Variants in ADAMTS19 observed in about 807,000 individuals in gnomAD.
The protein encoded by ADAMTS19 is ADAM metallopeptidase with thrombospondin type 1 motif 19, also known as A disintegrin and metalloproteinase with thrombospondin motifs 19.
Under a neutral mutation model 153.3 loss-of-function variants are expected in ADAMTS19, and 93 were observed. The ratio of observed to expected loss-of-function variants is 0.61; its 90% CI spans 0.51 to 0.72. The LOEUF is 0.72. Ranked by LOEUF, ADAMTS19 falls within the 30% of genes least tolerant of loss-of-function variation. The pLI, the probability that ADAMTS19 is intolerant of heterozygous loss-of-function variation, is 0.00. For missense variants in ADAMTS19, 1,482 were observed against 1,552.1 expected (o/e 0.95, Z 0.76); for synonymous variants, 600 against 556.6 (o/e 1.08, Z -1.10).
chr5:129,638,732 A>C (rs1474970166), intron 10 of ADAMTS19, among the ~76,000 whole-genome samples: 1 of 152,130 alleles, frequency 6.6e-6, no homozygotes, highest in East Asian at 1.9e-4. Flanking sequence ...TAATGCAGGG[A>C]AAAGAAGGTA....
intron 2 of ADAMTS19, among the ~76,000 whole-genome samples, chr5:129,505,230 G>A (rs1394958128): frequency 6.6e-6 from 1 of 152,096 alleles, no homozygotes; most frequent in Non-Finnish European, 1.5e-5. Flanking sequence ...TGCAATAAAT[G>A]AGCATGGAAG....
chr5:129,681,846 G>GA (rs781216221), intron 17 of ADAMTS19, among the ~76,000 whole-genome samples: 1 of 152,068 alleles, frequency 6.6e-6, no homozygotes, highest in Non-Finnish European at 1.5e-5. Context: ...TCTAGCGAGA[G>GA]AAAATAAAAT....
At chr5:129,508,503 T>A (rs1183910081) in intron 2 of ADAMTS19, among the ~76,000 whole-genome samples, 1 of 152,052 alleles carries the variant, frequency 6.6e-6, no homozygotes, top group Admixed American at 6.6e-5. Flanking sequence ...TTAAAACATG[T>A]CACTATGTGA....
At position 129,620,056 on chromosome 5, in the gene ADAMTS19, C is replaced by T. The variant is rs560126486; in HGVS notation, c.1479-562C>T. Among the ~76,000 whole-genome samples, 78 of 151,176 alleles carry T rather than the reference C, an allele frequency of 5.2e-4. No individual in the cohort carries two copies. The Middle Eastern group carries it at 0.034, about 67-fold the overall frequency. ...TAGAACATCTATTTAGAAATAAGTC[C>T]GACTTTTAGAATAGAATTTCAACAG... is the stretch of plus-strand genomic sequence containing the variant. On this transcript the variant is annotated intron_variant, in intron 8 of 22. Coordinates refer to ENST00000274487, the MANE Select transcript of ADAMTS19 (RefSeq NM_133638.6).
At chr5:129,494,402 TATTG>T (rs1410870011) in intron 2 of ADAMTS19, among the ~76,000 whole-genome samples, 1 of 152,144 alleles carries the variant, frequency 6.6e-6, no homozygotes. Flanking sequence ...TAGATTGTTT[TATTG>T]ATTATTAGTT....
intron 7 of ADAMTS19, among the ~76,000 whole-genome samples, chr5:129,584,050 C>A (rs973720693): frequency 3.0e-4 from 46 of 152,218 alleles, no homozygotes; most frequent in African/African-American, 8.2e-4. Flanking sequence ...TTTGTGGATT[C>A]ATCTACCTTT....
chr5:129,572,870 C>CACAGGACAGTGTTAAA (rs1485559485), intron 7 of ADAMTS19, among the ~76,000 whole-genome samples: 2 of 151,878 alleles, frequency 1.3e-5, no homozygotes, highest in African/African-American at 2.4e-5. Flanking sequence ...AGTGTTAAAA[C>CACAGGACAGTGTTAAA]ACAGAGGACA....
chr5:129,665,966 T>A (rs1754035606), intron 16 of ADAMTS19, among the ~76,000 whole-genome samples: 1 of 148,824 alleles, frequency 6.7e-6, no homozygotes, highest in African/African-American at 2.5e-5. Flanking sequence ...ATTGCATTTA[T>A]AAATGAATTT....
intron 7 of ADAMTS19, among the ~76,000 whole-genome samples, chr5:129,554,381 C>G (rs1404651067): frequency 6.6e-6 from 1 of 152,226 alleles, no homozygotes; most frequent in African/African-American, 2.4e-5. Flanking sequence ...TTTCAGGACC[C>G]TAGGCCTAAG....
intron 16 of ADAMTS19, among the ~76,000 whole-genome samples, chr5:129,669,692 T>A (rs1374965462): frequency 6.6e-6 from 1 of 152,104 alleles, no homozygotes; most frequent in African/African-American, 2.4e-5. Context: ...TTCTTCTTTT[T>A]TAATATAAGA....
chr5:129,573,798 T>C (rs1040130324), intron 7 of ADAMTS19, among the ~76,000 whole-genome samples: 11 of 152,096 alleles, frequency 7.2e-5, no homozygotes, highest in African/African-American at 2.7e-4. Flanking sequence ...CTGTTAACAA[T>C]TGACTTTAAT....
At chr5:129,494,043 A>C (rs913329977) in intron 2 of ADAMTS19, among the ~76,000 whole-genome samples, 1 of 152,052 alleles carries the variant, frequency 6.6e-6, no homozygotes, top group African/African-American at 2.4e-5. Flanking sequence ...ATTAATATTA[A>C]AATTATAAAG....
chr5:129,705,985 G>T (rs1366479475), intron 21 of ADAMTS19, among the ~76,000 whole-genome samples: 1 of 152,070 alleles, frequency 6.6e-6, no homozygotes, highest in Non-Finnish European at 1.5e-5. Context: ...AATAGTTTGT[G>T]GGGAGCAGGA....
At chr5:129,673,941 T>C (rs1754428591) in intron 16 of ADAMTS19, among the ~76,000 whole-genome samples, 1 of 152,210 alleles carries the variant, frequency 6.6e-6, no homozygotes, top group Non-Finnish European at 1.5e-5. Context: ...ATTAATAATA[T>C]GGCCATTGGC....
rs371062952 is a variant in ADAMTS19, at chr5:129,694,852, C to A, written c.2951C>A (p.Thr984Lys). 3.2e-6 allele frequency: 5 copies of A among 1,582,478 alleles called. No individual in the cohort carries two copies. In the African/African-American group the frequency reaches 5.4e-5, roughly 17 times the overall value. ...IRKCNEQPCQ[T>K]RWMMTEWTPC... Reference sequence around the variant, plus strand: ...AAGTGCAATGAGCAACCATGTCAAACAAGGTAACTCTATTCCAAGGGCCCT... The same window carrying A: ...AAGTGCAATGAGCAACCATGTCAAAAAAGGTAACTCTATTCCAAGGGCCCT... The change falls in exon 19 of 23, where the codon ACA (threonine) becomes AAA (lysine). Residue 984 changes from threonine to lysine, a missense_variant. Transcript: ENST00000274487.
rs1581183947 is a variant in ADAMTS19, at chr5:129,648,006, G to A, written c.2003+111G>A. On this transcript the variant is annotated intron_variant, in intron 12 of 22. Coordinates refer to ENST00000274487, the MANE Select transcript of ADAMTS19 (RefSeq NM_133638.6). The stretch of plus-strand genomic sequence containing the variant: ...AAGAAGCTCCTCAAACTCTACTCAC[G>A]TTGGAAAACAGAAAAGTCCTTCAAA... 2.0e-5 allele frequency: 25 copies of A among 1,223,274 alleles called. No homozygotes were observed. The Middle Eastern group carries it at 1.0e-3, about 51-fold the overall frequency. 75.8% of individuals were successfully genotyped at this position (1,223,274 alleles called of 1,614,324 possible).
intron 6 of ADAMTS19, among the ~76,000 whole-genome samples, chr5:129,533,830 T>C (rs1752304822): frequency 1.3e-5 from 2 of 152,168 alleles, no homozygotes; most frequent in Admixed American, 1.3e-4. Context: ...ACATCTTTAT[T>C]TCTGCCTTCA....
chr5:129,634,711 C>G (rs1428570925), intron 10 of ADAMTS19, among the ~76,000 whole-genome samples: 1 of 152,010 alleles, frequency 6.6e-6, no homozygotes, highest in Non-Finnish European at 1.5e-5. Flanking sequence ...AAGATTGAAA[C>G]TGGGCCCCTT....
chr5:129,468,638 C>T (rs1260840665), intron 2 of ADAMTS19, among the ~76,000 whole-genome samples: 2 of 152,142 alleles, frequency 1.3e-5, no homozygotes, highest in African/African-American at 4.8e-5. Context: ...AGGCGTGAGC[C>T]ACTGTGCCTG....
Sources: gnomAD v4.1 joint callset for allele counts (sites outside exome capture counted in the v4.1 genomes callset) on GRCh38, gnomAD v4.1.1 for gene constraint, MANE v1.5 for transcripts, NCBI Gene and HGNC (gene_info 2026-07-23, HGNC 2026-07-21) for gene names.